TSPAN19: variants seen among roughly 807,000 people sequenced by gnomAD.
The protein encoded by TSPAN19 is tetraspanin-19.
TSPAN19 carries 44 observed loss-of-function variants against 35.1 expected under a neutral mutation model. That is an observed-to-expected ratio of 1.25 (90% CI 0.98 to 1.61). The LOEUF (loss-of-function observed/expected upper bound fraction) is 1.61, where lower values mean the gene tolerates loss of function less well. TSPAN19 is among the 40% of genes most tolerant of loss of function. The pLI is 0.00. For missense variants in TSPAN19, 290 were observed against 280.0 expected, an observed-to-expected ratio of 1.04 and a Z score of -0.26; for synonymous variants, 79 against 92.0, an observed-to-expected ratio of 0.86 and a Z score of 0.81.
At chr12:85,027,114 T>C (rs186643522) in intron 4 of TSPAN19, among the ~76,000 whole-genome samples, 8 of 152,296 alleles carry the variant, frequency 5.3e-5, no homozygotes, top group Admixed American at 5.2e-4. Flanking sequence ...TCCAAGTCAG[T>C]ACTCTGGAAT....
intron 4 of TSPAN19, among the ~76,000 whole-genome samples, chr12:85,023,748 C>T (rs1333134646): frequency 2.6e-5 from 4 of 152,230 alleles, no homozygotes; most frequent in South Asian, 2.1e-4. Flanking sequence ...ACTAAAGACT[C>T]ACTAAATTTC....
At chr12:85,027,808 G>T (rs1245291017) in intron 4 of TSPAN19, 91 bp downstream of exon 4, 1 of 1,266,776 alleles carries the variant, frequency 7.9e-7, no homozygotes, top group Non-Finnish European at 1.1e-6. Context: ...CTACTGCAGT[G>T]CCATGCTAAT....
At chr12:85,029,009 G>C (rs1453129747) in intron 3 of TSPAN19, among the ~76,000 whole-genome samples, 2 of 152,102 alleles carry the variant, frequency 1.3e-5, no homozygotes, top group African/African-American at 2.4e-5. Context: ...AGCAGCACAG[G>C]GTGTGTAAGA....
rs1372834810 is a variant in TSPAN19, at chr12:85,014,487, TCA to T, written c.745_746del (p.Ter249ThrfsTer15). 1 of 1,593,276 alleles carries T rather than the reference TCA, an allele frequency of 6.3e-7. No homozygotes were observed. The highest frequency in any genetic ancestry group is 8.6e-7 in the Non-Finnish European group (1 of 1,167,944). On this transcript the variant is annotated frameshift_variant and stop_lost, in exon 9 of 9. Transcript: ENST00000532498. LOFTEE classifies it high-confidence loss of function. ...NIKNIIHAEM[*>X] ...TTCTGAACAAATTGAAATCCAAAGG[TCA>T]CATTTCTGCATGGATTATATTCTTG...
intron 5 of TSPAN19, among the ~76,000 whole-genome samples, chr12:85,021,880 A>G (rs1386117192): frequency 6.6e-6 from 1 of 152,104 alleles, no homozygotes; most frequent in African/African-American, 2.4e-5. Context: ...TCTCTTCTAT[A>G]AAGTAGGACT....
chr12:85,027,134 C>T (rs1877455091), intron 4 of TSPAN19, among the ~76,000 whole-genome samples: 1 of 152,078 alleles, frequency 6.6e-6, no homozygotes. Flanking sequence ...TATAATTTGC[C>T]TTTTCACGTT....
intron 5 of TSPAN19, among the ~76,000 whole-genome samples, chr12:85,022,462 T>A (rs1877179972): frequency 6.6e-6 from 1 of 152,060 alleles, no homozygotes; most frequent in African/African-American, 2.4e-5. Context: ...CAAGATTAAT[T>A]AAGGCGAGGT....
intron 1 of TSPAN19, 67 bp from the exon 2 acceptor site, chr12:85,030,040 GTTCT>G: frequency 1.7e-6 from 2 of 1,191,066 alleles, no homozygotes; most frequent in Non-Finnish European, 2.2e-6. Flanking sequence ...CCCTACTTAT[GTTCT>G]TTATTTGCAC....
At chr12:85,023,299 G>A (rs756724641) in intron 5 of TSPAN19, 27 bp downstream of exon 5, 4 of 1,533,702 alleles carry the variant, frequency 2.6e-6, no homozygotes, top group Non-Finnish European at 3.5e-6. Context: ...ATAACAGGAT[G>A]TATTGAAAAG....
chr12:85,027,983 C>A lies in TSPAN19; in HGVS notation c.180G>T (p.Leu60Phe). Residue 60 changes from leucine to phenylalanine, a missense_variant, in exon 4 of 9, where the codon TTG becomes TTT. By Grantham distance (22) the Leu-to-Phe change is conservative. Coordinates refer to ENST00000532498, the MANE Select transcript of TSPAN19 (RefSeq NM_001100917.2). ...NHFIVPISQI[L>F]IGMGSSTVLF... ...GAACAGTAGAAGATCCCATTCCAATCAAAATTTGAGAAATAGGTACTATGA... is the reference window on the plus strand; with the variant it reads ...GAACAGTAGAAGATCCCATTCCAATAAAAATTTGAGAAATAGGTACTATGA... The A allele has an allele frequency of 6.3e-7, 1 of 1,597,920 alleles. No individual in the cohort carries two copies.
Position 85,019,634 on chromosome 12 carries a change from G to T in TSPAN19, c.442C>A (p.Gln148Lys). 6.3e-7 allele frequency: 1 copy of T among 1,588,056 alleles called. No homozygotes were observed. The highest frequency in any genetic ancestry group is 8.6e-7 in the Non-Finnish European group (1 of 1,158,282). The change falls in exon 6 of 9, where the codon CAG becomes AAG. Residue 148 changes from glutamine to lysine, a missense_variant. Coordinates refer to ENST00000532498, the MANE Select transcript of TSPAN19 (RefSeq NM_001100917.2). ...ITKWTILNAL[Q>K]KTLQCCGQHN... ...AGTTAATTTCATCTTACTGTTTTCTGTAAGGCATTCAGAATAGTCCACTTG... is the reference window on the plus strand; with the variant it reads ...AGTTAATTTCATCTTACTGTTTTCTTTAAGGCATTCAGAATAGTCCACTTG...
intron 8 of TSPAN19, chr12:85,015,042 T>A (rs539466684): frequency 6.6e-6 from 1 of 152,140 alleles, no homozygotes; most frequent in East Asian, 1.9e-4. Flanking sequence ...TTAAAAACAA[T>A]GATATTAATG....
chr12:85,019,560 C>CT, intron 6 of TSPAN19, 66 bp downstream of exon 6: 1 of 999,460 alleles, frequency 1.0e-6, no homozygotes, highest in Non-Finnish European at 1.6e-6. Flanking sequence ...CTGCCCTGAC[C>CT]TATTCTCTCT....
intron 4 of TSPAN19, among the ~76,000 whole-genome samples, chr12:85,023,918 AT>A (rs143392531): frequency 0.01 from 1,567 of 151,848 alleles, 43 homozygotes; most frequent in East Asian, 0.078. Flanking sequence ...AGACTATTTA[AT>A]TTTTTTTTAA....
At position 85,029,731 on chromosome 12, in the gene TSPAN19, A is replaced by C; in HGVS notation, c.127T>G (p.Leu43Val). 1 of 1,538,816 alleles carries C rather than the reference A, an allele frequency of 6.5e-7. No individual in the cohort carries two copies. Among genetic ancestry groups the C allele is most frequent in the Non-Finnish European group, 8.7e-7 (1 of 1,143,526 alleles). ...AATAGATACATACCAAAAGCTGTTA[A>C]AAAATTATTTCTATCTAATAAGAGC... Reference protein sequence around the residue: ...AWLLLDRNNFLTAFDENNHFI... With the variant: ...AWLLLDRNNFVTAFDENNHFI... Residue 43 changes from leucine (L) to valine (V), a missense_variant, in exon 3 of 9, where the codon TTA becomes GTA. Leu to Val is a conservative substitution (Grantham distance 32). Coordinates refer to ENST00000532498, the MANE Select transcript of TSPAN19 (RefSeq NM_001100917.2).
chr12:85,035,677 AAT>A (rs1438319612), intron 1 of TSPAN19, among the ~76,000 whole-genome samples: 3 of 152,104 alleles, frequency 2.0e-5, no homozygotes, highest in African/African-American at 2.4e-5. Context: ...TAAAGTAAAA[AAT>A]ATGTTATTAA....
chr12:85,015,559 C>T (rs966094719), intron 8 of TSPAN19: 77 of 170,248 alleles, frequency 4.5e-4, no homozygotes, highest in African/African-American at 1.7e-3. Context: ...CACACACACA[C>T]ACACACACAC....
chr12:85,020,427 A>G (rs1216895551), intron 5 of TSPAN19, among the ~76,000 whole-genome samples: 1 of 152,010 alleles, frequency 6.6e-6, no homozygotes, highest in East Asian at 1.9e-4. Context: ...GTATATTTCT[A>G]CAAAAGTTAT....
At chr12:85,035,966 G>T (rs2135830414) in intron 1 of TSPAN19, among the ~76,000 whole-genome samples, 1 of 151,706 alleles carries the variant, frequency 6.6e-6, no homozygotes, top group East Asian at 1.9e-4. Flanking sequence ...GTCATGGAAG[G>T]CAAACAACTT....
Sources: allele counts gnomAD v4.1 joint callset (sites outside exome capture counted in the v4.1 genomes callset), GRCh38; gene constraint gnomAD v4.1.1; transcripts MANE v1.5; gene names NCBI Gene and HGNC (gene_info 2026-07-23, HGNC 2026-07-21).